BAIAP2L1: variants seen among roughly 807,000 people sequenced by gnomAD.
BAIAP2L1 encodes BAR/IMD domain containing adaptor protein 2 like 1, also known as BAR/IMD domain-containing adapter protein 2-like 1.
In BAIAP2L1, 35 loss-of-function variants were observed where a neutral mutation model predicts 66.3. That is an observed-to-expected ratio of 0.53 (90% confidence interval 0.40 to 0.70). The LOEUF (loss-of-function observed/expected upper bound fraction) is 0.70. BAIAP2L1 is among the 30% of genes least tolerant of loss of function. BAIAP2L1 has a pLI of 0.00. For synonymous variants in BAIAP2L1, 269 were observed against 248.7 expected, an observed-to-expected ratio of 1.08 and a Z score of -0.77; for missense variants, 622 against 656.9, an observed-to-expected ratio of 0.95 and a Z score of 0.58.
chr7:98,293,049 GC>G lies in BAIAP2L1; in HGVS notation c.*471del, dbSNP rs1414927378. On this transcript the variant is annotated 3_prime_UTR_variant, in exon 14 of 14. Transcript: ENST00000005260. ...ATATAGTATTTTCATAATTTATATT[GC>G]TTAAAATTATGATTTGCATGCTAAG... 1 of 873,524 alleles carries G rather than the reference GC, an allele frequency of 1.1e-6. No homozygotes were observed. Among genetic ancestry groups the G allele is most frequent in the Admixed American group, 5.1e-5 (1 of 19,722 alleles). 54.1% of individuals were successfully genotyped at this position (873,524 alleles called of 1,614,324 possible).
chr7:98,294,142 G>A (rs1169602128), intron 12 of BAIAP2L1, 31 bp from the exon 13 acceptor site: 7 of 1,609,770 alleles, frequency 4.3e-6, no homozygotes, highest in South Asian at 1.1e-5. Context: ...TTTATGGAGG[G>A]CTTAGAATTG....
At chr7:98,328,867 C>T (rs75359974) in intron 3 of BAIAP2L1, among the ~76,000 whole-genome samples, 1,783 of 152,294 alleles carry the variant, frequency 0.012, 40 homozygotes, top group African/African-American at 0.041. Context: ...CAGCTCGACA[C>T]TTCTGTCATA....
intron 12 of BAIAP2L1, among the ~76,000 whole-genome samples, chr7:98,297,370 C>A (rs552137990): frequency 2.0e-5 from 3 of 152,292 alleles, no homozygotes; most frequent in East Asian, 3.9e-4. Context: ...GGGTCCCGGG[C>A]AGCTCGGAGC....
intron 1 of BAIAP2L1, among the ~76,000 whole-genome samples, chr7:98,381,211 T>C (rs1287914884): frequency 1.3e-5 from 2 of 152,120 alleles, no homozygotes; most frequent in African/African-American, 2.4e-5. Flanking sequence ...TGGCAAATGT[T>C]TTTCCAGGCA....
At chr7:98,398,699 T>C (rs1584513523) in intron 1 of BAIAP2L1, among the ~76,000 whole-genome samples, 1 of 152,142 alleles carries the variant, frequency 6.6e-6, no homozygotes, top group Non-Finnish European at 1.5e-5. Context: ...TAATAAGACA[T>C]GCCCAAGTGG....
intron 1 of BAIAP2L1, among the ~76,000 whole-genome samples, chr7:98,377,967 TA>T (rs71112149): frequency 0.41 from 60,164 of 145,326 alleles, 12,922 homozygotes; most frequent in Middle Eastern, 0.55. Flanking sequence ...CCATCTCTAC[TA>T]AAAAAAAAAA....
At chr7:98,334,809 G>A (rs953181285) in intron 3 of BAIAP2L1, among the ~76,000 whole-genome samples, 6 of 150,052 alleles carry the variant, frequency 4.0e-5, no homozygotes, top group Admixed American at 2.7e-4. Context: ...GCCTCCCAAA[G>A]TGCTGGGATT....
intron 3 of BAIAP2L1, among the ~76,000 whole-genome samples, chr7:98,330,983 C>T (rs1222729650): frequency 6.6e-6 from 1 of 152,112 alleles, no homozygotes; most frequent in Non-Finnish European, 1.5e-5. Flanking sequence ...GTGGGGGTCA[C>T]ATTTCAACAT....
chr7:98,362,803 T>C (rs1284303564), intron 1 of BAIAP2L1, among the ~76,000 whole-genome samples: 1 of 152,200 alleles, frequency 6.6e-6, no homozygotes, highest in African/African-American at 2.4e-5. Flanking sequence ...GGAACGCCTG[T>C]GGAGGATCAG....
intron 3 of BAIAP2L1, among the ~76,000 whole-genome samples, chr7:98,327,594 A>G (rs1190820857): frequency 6.6e-6 from 1 of 151,932 alleles, no homozygotes; most frequent in Admixed American, 6.6e-5. Context: ...AATCACTTGA[A>G]CTCGGGAGGC....
At chr7:98,380,814 A>C (rs1802741370) in intron 1 of BAIAP2L1, among the ~76,000 whole-genome samples, 1 of 147,458 alleles carries the variant, frequency 6.8e-6, no homozygotes. Flanking sequence ...CCACCACCCA[A>C]CCACCCAACC....
chr7:98,377,892 C>T (rs1802670909), intron 1 of BAIAP2L1, among the ~76,000 whole-genome samples: 1 of 146,598 alleles, frequency 6.8e-6, no homozygotes, highest in Non-Finnish European at 1.5e-5. Flanking sequence ...CTTTGGGAGG[C>T]CGAGACGGGC....
chr7:98,354,585 C>T (rs566814594), intron 3 of BAIAP2L1, among the ~76,000 whole-genome samples: 4 of 152,214 alleles, frequency 2.6e-5, no homozygotes, highest in South Asian at 2.1e-4. Flanking sequence ...CACAGGAGAG[C>T]GATTCATACC....
chr7:98,310,976 A>G (rs978343122), intron 8 of BAIAP2L1, among the ~76,000 whole-genome samples: 2 of 152,020 alleles, frequency 1.3e-5, no homozygotes, highest in Non-Finnish European at 2.9e-5. Flanking sequence ...GTGAGCCACC[A>G]TGACTGGCCA....
chr7:98,366,161 C>T (rs996016145), intron 1 of BAIAP2L1, among the ~76,000 whole-genome samples: 3 of 152,116 alleles, frequency 2.0e-5, no homozygotes, highest in South Asian at 2.1e-4. Flanking sequence ...GGTCAGCTTT[C>T]GCAGTCAGGA....
chr7:98,391,569 G>A lies in BAIAP2L1; in HGVS notation c.51+9233C>T, dbSNP rs138294505. ...CTAAAAATACAAAAAAAAATTAGCC[G>A]GGCATGGTGGCGGGCACCTGTAGTC... On this transcript the variant is annotated intron_variant, in intron 1 of 13. Coordinates refer to ENST00000005260, the MANE Select transcript of BAIAP2L1 (RefSeq NM_018842.5). 5.9e-3 allele frequency among the ~76,000 whole-genome samples: 898 copies of A among 152,020 alleles called. 8 individuals are homozygous for A. The highest frequency in any genetic ancestry group is 0.02 in the African/African-American group (832 of 41,474).
chr7:98,308,238 C>T (rs1230119529), intron 9 of BAIAP2L1: 11 of 497,174 alleles, frequency 2.2e-5, no homozygotes, highest in Middle Eastern at 3.0e-4. Context: ...ACCGCTCCAA[C>T]GCCAAACTGC....
At chr7:98,300,312 C>T (rs78737732) in intron 12 of BAIAP2L1, among the ~76,000 whole-genome samples, 2,999 of 152,322 alleles carry the variant, frequency 0.02, 105 homozygotes, top group African/African-American at 0.069. Context: ...CGTCTGTAGG[C>T]TGTTTCCCAC....
rs183138030 is a variant in BAIAP2L1, at chr7:98,322,527, G to A, written c.215-2229C>T. Reference sequence around the variant, plus strand: ...CCATCATCGGAGCCACCTGTAGGGTGCAGCCATGTCCCTTCCTAAGCTCTG... The same window carrying A: ...CCATCATCGGAGCCACCTGTAGGGTACAGCCATGTCCCTTCCTAAGCTCTG... On this transcript the variant is annotated intron_variant, in intron 3 of 13. Coordinates refer to ENST00000005260, the MANE Select transcript of BAIAP2L1 (RefSeq NM_018842.5). Among the ~76,000 whole-genome samples, 5 of 152,324 alleles carry A rather than the reference G, an allele frequency of 3.3e-5. No homozygotes were observed. The East Asian group carries it at 7.7e-4, about 24-fold the overall frequency.
Sources: gnomAD v4.1 joint callset for allele counts (sites outside exome capture counted in the v4.1 genomes callset) on GRCh38, gnomAD v4.1.1 for gene constraint, MANE v1.5 for transcripts, NCBI Gene and HGNC (gene_info 2026-07-23, HGNC 2026-07-21) for gene names.